The following RASSF5 variants were observed in gnomAD, a reference collection of about 807,000 sequenced individuals.
RASSF5 encodes Ras association domain family member 5.
RASSF5 carries 25 observed loss-of-function variants against 40.5 expected under a neutral mutation model. The observed-to-expected ratio is 0.62, with a 90% confidence interval of 0.45 to 0.86. The LOEUF (loss-of-function observed/expected upper bound fraction) is 0.86, where lower values mean the gene tolerates loss of function less well. Among genes scored for constraint, RASSF5 ranks in the 40% least tolerant of loss-of-function variants. The pLI, the probability that RASSF5 is intolerant of heterozygous loss-of-function variation, is 0.00. For synonymous variants in RASSF5, 246 were observed against 252.4 expected (o/e 0.97, Z 0.24); for missense variants, 521 against 572.8 (o/e 0.91, Z 0.92).
chr1:206,548,340 G>A (rs886491642), intron 2 of RASSF5, among the ~76,000 whole-genome samples: 63 of 152,236 alleles, frequency 4.1e-4, no homozygotes, highest in African/African-American at 1.4e-3. Flanking sequence ...TACTCATGGC[G>A]GAAGGTGAAG....
chr1:206,536,919 C>G (rs1304480147), intron 1 of RASSF5, among the ~76,000 whole-genome samples: 2 of 152,150 alleles, frequency 1.3e-5, no homozygotes, highest in Non-Finnish European at 2.9e-5. Context: ...CTCCAGCTGA[C>G]CTGGCAGCTA....
intron 2 of RASSF5, among the ~76,000 whole-genome samples, chr1:206,549,047 G>T (rs1667770057): frequency 6.6e-6 from 1 of 152,048 alleles, no homozygotes; most frequent in African/African-American, 2.4e-5. Context: ...TGTATTTTTA[G>T]TAGAGACAGG....
In RASSF5 at chr1:206,507,685, T is replaced by A. The variant is rs781808271; in HGVS notation, c.83T>A (p.Leu28Gln). ...DPEPPRYLQSLSGPELPPPPP... is the reference protein window; with the variant it reads ...DPEPPRYLQSQSGPELPPPPP... ...GAGCCGCCGCGCTATCTACAGAGCC[T>A]GAGCGGCCCCGAGCTACCGCCGCCG... Residue 28 changes from leucine (L) to glutamine (Q), a missense_variant, in exon 1 of 6, where the codon CTG (leucine) becomes CAG (glutamine). Coordinates refer to ENST00000579436, the MANE Select transcript of RASSF5 (RefSeq NM_182663.4). 2.9e-5 allele frequency: 43 copies of A among 1,508,398 alleles called. No individual in the cohort carries two copies. The highest frequency in any genetic ancestry group is 3.7e-5 in the Non-Finnish European group (42 of 1,135,038). 93.4% of individuals were successfully genotyped at this position (1,508,398 alleles called of 1,614,324 possible). A position where few individuals can be genotyped will look rare whatever the true frequency, so the allele number is the denominator to read the frequency against.
intron 2 of RASSF5, among the ~76,000 whole-genome samples, chr1:206,581,509 G>A (rs560524791): frequency 6.6e-6 from 1 of 152,276 alleles, no homozygotes; most frequent in South Asian, 2.1e-4. Flanking sequence ...TGAGGCAGGA[G>A]AATTGCTTGA....
chr1:206,507,993 C>T lies in RASSF5; in HGVS notation c.391C>T (p.Pro131Ser). The change falls in exon 1 of 6, where the codon CCG (proline) becomes TCG (serine). Residue 131 changes from proline to serine, a missense_variant. Transcript: ENST00000579436. Reference sequence around the variant, plus strand: ...GCACTGCTTCGCCGAGTTGGTGCTGCCGGGCGGCCCCGGCTGGTGTGACCT... The same window carrying T: ...GCACTGCTTCGCCGAGTTGGTGCTGTCGGGCGGCCCCGGCTGGTGTGACCT... ...EGHCFAELVL[P>S]GGPGWCDLCG... 6.6e-7 allele frequency: 1 copy of T among 1,522,586 alleles called. No homozygotes were observed. Among genetic ancestry groups the T allele is most frequent in the Non-Finnish European group, 8.8e-7 (1 of 1,140,642 alleles). 94.3% of individuals were successfully genotyped at this position (1,522,586 alleles called of 1,614,324 possible).
At chr1:206,540,029 G>A (rs369646749) in intron 2 of RASSF5, among the ~76,000 whole-genome samples, 22 of 152,272 alleles carry the variant, frequency 1.4e-4, no homozygotes, top group African/African-American at 5.1e-4. Flanking sequence ...GGTCTCAAAA[G>A]GCGGCAATTT....
At chr1:206,541,590 C>G (rs1443878817) in intron 2 of RASSF5, among the ~76,000 whole-genome samples, 1 of 152,168 alleles carries the variant, frequency 6.6e-6, no homozygotes, top group African/African-American at 2.4e-5. Flanking sequence ...TCTGAGGTCT[C>G]TGATATCTGA....
Position 206,584,348 on chromosome 1 carries a change from G to T in RASSF5, c.691-39G>T, listed in dbSNP as rs782357811. On this transcript the variant is annotated intron_variant, in intron 3 of 5. Coordinates refer to ENST00000579436, the MANE Select transcript of RASSF5 (RefSeq NM_182663.4). The surrounding 1 kb of genome is among the most constrained non-coding windows in gnomAD (Gnocchi z 4.9). ...AGTGGCAGATATGATCATGCAAGGC[G>T]GACGGCCCTGACCCCCTGTGACATG... is the stretch of plus-strand genomic sequence containing the variant. 6.4e-7 allele frequency: 1 copy of T among 1,571,830 alleles called. No individual in the cohort carries two copies. Among genetic ancestry groups the T allele is most frequent in the Admixed American group, 1.8e-5 (1 of 56,268 alleles).
At chr1:206,581,333 C>T (rs1668865872) in intron 2 of RASSF5, among the ~76,000 whole-genome samples, 2 of 152,146 alleles carry the variant, frequency 1.3e-5, no homozygotes, top group Non-Finnish European at 2.9e-5. Context: ...TGCGGTGGCT[C>T]ACACCTGTAA....
intron 4 of RASSF5, 25 bp from the exon 5 acceptor site, chr1:206,585,155 C>A (rs1553407330): frequency 1.3e-6 from 2 of 1,581,530 alleles, no homozygotes; most frequent in South Asian, 1.1e-5. Flanking sequence ...GGGAAGAGCT[C>A]CCAGCACCCT....
intron 2 of RASSF5, among the ~76,000 whole-genome samples, chr1:206,566,492 G>A (rs1668292602): frequency 6.6e-6 from 1 of 152,140 alleles, no homozygotes; most frequent in African/African-American, 2.4e-5. Flanking sequence ...TGTGGTGAGT[G>A]GTGGTGAACT....
chr1:206,583,411 T>G, intron 3 of RASSF5, 32 bp downstream of exon 3: 2 of 1,450,194 alleles, frequency 1.4e-6, no homozygotes. Flanking sequence ...ACCTGGCCCC[T>G]GCTCCACCAC....
At position 206,579,533 on chromosome 1, in the gene RASSF5, GTGTGTT is replaced by G; in HGVS notation, c.580-3734_580-3729del. ...TGTTAGGTAAACCTTTGGGGTGTTT[GTGTGTT>G]TCTTGGCACCAAGTGTTAATTCAGC... On this transcript the variant is annotated intron_variant, in intron 2 of 5. Transcript: ENST00000579436. The surrounding 1 kb of genome is among the most constrained non-coding windows in gnomAD (Gnocchi z 4.2). Among the ~76,000 whole-genome samples the G allele has an allele frequency of 6.6e-6, 1 of 152,306 alleles. No individual in the cohort carries two copies. Among genetic ancestry groups the G allele is most frequent in the East Asian group, 1.9e-4 (1 of 5,182 alleles).
In RASSF5 at chr1:206,513,094, C is replaced by T. The variant is rs1029252772; in HGVS notation, c.457+5035C>T. Among the ~76,000 whole-genome samples the T allele has an allele frequency of 3.9e-5, 6 of 152,190 alleles. No individual in the cohort carries two copies. Among genetic ancestry groups the T allele is most frequent in the Admixed American group, 1.3e-4 (2 of 15,284 alleles). On this transcript the variant is annotated intron_variant, in intron 1 of 5. Transcript: ENST00000579436. The surrounding 1 kb of genome is among the most constrained non-coding windows in gnomAD (Gnocchi z 5.0). ...TCTCAGGCCCTCAAGCCATTTCCCC[C>T]GCTTTGGGCTTCAGAGTCAGCACCT...
At chr1:206,566,947 G>T (rs782508860) in intron 2 of RASSF5, among the ~76,000 whole-genome samples, 23 of 152,206 alleles carry the variant, frequency 1.5e-4, no homozygotes, top group Non-Finnish European at 2.8e-4. Flanking sequence ...TTTCCCAGGG[G>T]ACATGAGCAA....
intron 1 of RASSF5, among the ~76,000 whole-genome samples, chr1:206,523,405 AATATTAT>A (rs10566254): frequency 0.4 from 45,218 of 113,092 alleles, 9,961 homozygotes; most frequent in South Asian, 0.57. Context: ...TATAAATATA[AATATTAT>A]ATATTATATA....
At chr1:206,539,681 C>T (rs1667498085) in intron 2 of RASSF5, among the ~76,000 whole-genome samples, 1 of 152,126 alleles carries the variant, frequency 6.6e-6, no homozygotes, top group Non-Finnish European at 1.5e-5. Context: ...AAGGGCCTTA[C>T]CCTTAGCAGG....
At chr1:206,577,280 A>T (rs1319953135) in intron 2 of RASSF5, among the ~76,000 whole-genome samples, 1 of 152,178 alleles carries the variant, frequency 6.6e-6, no homozygotes, top group East Asian at 1.9e-4. Context: ...AAAGGAATTA[A>T]CAAACTCTAT....
chr1:206,574,853 CTTTT>C (rs71570015), intron 2 of RASSF5, among the ~76,000 whole-genome samples: 50 of 86,110 alleles, frequency 5.8e-4, no homozygotes, highest in African/African-American at 2.0e-3. Flanking sequence ...GGACCAATGA[CTTTT>C]TTTTTTTTTT....
Sources: gnomAD v4.1 joint callset for allele counts (sites outside exome capture counted in the v4.1 genomes callset) on GRCh38, gnomAD v4.1.1 for gene constraint, Gnocchi (gnomAD v3.1) non-coding constraint, MANE v1.5 for transcripts, NCBI Gene and HGNC (gene_info 2026-07-23, HGNC 2026-07-21) for gene names.